OR1J2: variants seen among roughly 807,000 people sequenced by gnomAD.
OR1J2 encodes the protein olfactory receptor family 1 subfamily J member 2.
For synonymous variants in OR1J2, 142 were observed against 99.7 expected (o/e 1.42, Z -2.52); for missense variants, 304 against 246.1 (o/e 1.24, Z -1.57).
the OR1J2 span, among the ~76,000 whole-genome samples, chr9:122,459,449 G>T: frequency 2.6e-5 from 4 of 152,162 alleles, no homozygotes; most frequent in African/African-American, 9.7e-5. Context: ...AAGGACACTT[G>T]CCCAGTAATG....
chr9:122,568,455 C>G, the OR1J2 span: 1 of 1,597,014 alleles, frequency 6.3e-7, no homozygotes, highest in Non-Finnish European at 8.5e-7. Flanking sequence ...GGAGACACTG[C>G]TGGTGTGGTT....
chr9:122,568,043 C>A, the OR1J2 span: 4 of 1,613,902 alleles, frequency 2.5e-6, no homozygotes, highest in African/African-American at 5.3e-5. Flanking sequence ...AGAAGGCCAC[C>A]AGCAGGACAC....
chr9:122,465,829 T>A, the OR1J2 span, among the ~76,000 whole-genome samples: 3 of 152,162 alleles, frequency 2.0e-5, no homozygotes, highest in African/African-American at 7.2e-5. Context: ...CTTCTTTGAG[T>A]GAATTACCTT....
chr9:122,569,323 T>C, the OR1J2 span, among the ~76,000 whole-genome samples: 1 of 149,742 alleles, frequency 6.7e-6, no homozygotes, highest in Non-Finnish European at 1.5e-5. Context: ...TAATTTATCT[T>C]TTACGTGTTA....
the OR1J2 span, among the ~76,000 whole-genome samples, chr9:122,475,977 C>T: frequency 2.0e-5 from 3 of 152,290 alleles, no homozygotes; most frequent in South Asian, 2.1e-4. Flanking sequence ...CTTCCTTTCA[C>T]GAACTATATG....
the OR1J2 span, chr9:122,477,614 T>C: frequency 1.9e-6 from 3 of 1,614,012 alleles, no homozygotes; most frequent in Admixed American, 3.3e-5. Context: ...GCAAAAAATA[T>C]GAAAAAATAT....
the OR1J2 span, among the ~76,000 whole-genome samples, chr9:122,538,505 C>T: frequency 5.3e-5 from 8 of 152,060 alleles, no homozygotes; most frequent in Admixed American, 2.0e-4. Flanking sequence ...TTACTGAAGT[C>T]GCTTATCAGA....
At chr9:122,451,152 C>CATCATTATT in the OR1J2 span, among the ~76,000 whole-genome samples, 9 of 137,584 alleles carry the variant, frequency 6.5e-5, no homozygotes, top group Admixed American at 2.9e-4. Flanking sequence ...CTATCACCTG[C>CATCATTATT]ATTATTATTA....
At chr9:122,515,164 TGAGAA>T (rs1397123436), downstream of OR1J2, among the ~76,000 whole-genome samples, 1 of 152,138 alleles carries the variant, frequency 6.6e-6, no homozygotes, top group African/African-American at 2.4e-5. Context: ...GCCTGTAAAT[TGAGAA>T]GAGTAAGCTC....
chr9:122,527,048 A>G, the OR1J2 span: 1 of 1,614,084 alleles, frequency 6.2e-7, no homozygotes, highest in African/African-American at 1.3e-5. Flanking sequence ...GAGTCTGTAT[A>G]TTCACCAGCA....
the OR1J2 span, among the ~76,000 whole-genome samples, chr9:122,543,655 G>A: frequency 6.6e-6 from 1 of 152,202 alleles, no homozygotes; most frequent in Non-Finnish European, 1.5e-5. Context: ...CAGTTGTCAT[G>A]TTGTGAGAAG....
At chr9:122,510,580 G>C (rs755044645), upstream of OR1J2, among the ~76,000 whole-genome samples, 2 of 151,916 alleles carry the variant, frequency 1.3e-5, no homozygotes, top group Non-Finnish European at 2.9e-5. Flanking sequence ...GTGGTTTGCT[G>C]TACCTATCAT....
At chr9:122,478,868 C>T in the OR1J2 span, among the ~76,000 whole-genome samples, 2 of 149,946 alleles carry the variant, frequency 1.3e-5, no homozygotes, top group Admixed American at 6.6e-5. Context: ...TAACCTCCGC[C>T]TCCTGGGTTC....
upstream of OR1J2, among the ~76,000 whole-genome samples, chr9:122,505,961 C>T (rs569460669): frequency 3.7e-4 from 56 of 151,992 alleles, no homozygotes; most frequent in South Asian, 1.2e-3. Flanking sequence ...ACAATAAAAC[C>T]TCGAAAAAGA....
the OR1J2 span, among the ~76,000 whole-genome samples, chr9:122,577,810 T>G: frequency 6.6e-6 from 1 of 152,236 alleles, no homozygotes; most frequent in Non-Finnish European, 1.5e-5. Flanking sequence ...AAAAATGTTC[T>G]CAATTACATT....
the OR1J2 span, among the ~76,000 whole-genome samples, chr9:122,468,523 T>G: frequency 2.0e-5 from 3 of 152,136 alleles, no homozygotes. Context: ...GTAATTCTAA[T>G]CATAAACTCT....
chr9:122,554,072 G>A, the OR1J2 span: 1,978 of 1,613,218 alleles, frequency 1.2e-3, 3 homozygotes, highest in Non-Finnish European at 1.4e-3. Flanking sequence ...TTATTCCCAC[G>A]CTAAACCCAT....
the OR1J2 span, chr9:122,477,673 A>T: frequency 6.2e-7 from 1 of 1,614,228 alleles, no homozygotes; most frequent in Non-Finnish European, 8.5e-7. Context: ...CTGAGTCTGC[A>T]TGTTCATCAG....
chr9:122,570,896 G>A, the OR1J2 span, among the ~76,000 whole-genome samples: 1 of 152,144 alleles, frequency 6.6e-6, no homozygotes, highest in Non-Finnish European at 1.5e-5. Context: ...GGAATTAAGA[G>A]GCATATGTTA....
Sources: gnomAD v4.1 joint callset for allele counts (sites outside exome capture counted in the v4.1 genomes callset) on GRCh38, gnomAD v4.1.1 for gene constraint, MANE v1.5 for transcripts, NCBI Gene and HGNC (gene_info 2026-07-23, HGNC 2026-07-21) for gene names.